MYOM3: variants seen among roughly 807,000 people sequenced by gnomAD.
MYOM3 encodes the protein myomesin-3.
MYOM3 carries 155 observed loss-of-function variants against 191.7 expected under a neutral mutation model. The ratio of observed to expected loss-of-function variants is 0.81; its 90% CI spans 0.71 to 0.92. The LOEUF is 0.92. Ranked by LOEUF, MYOM3 falls within the 40% of genes least tolerant of loss-of-function variation. The pLI is 0.00. For synonymous variants in MYOM3, 757 were observed against 762.9 expected (o/e 0.99, Z 0.13); for missense variants, 1,889 against 1,890.6 (o/e 1.00, Z 0.02).
chr1:24,058,492 G>A (rs1391421815), intron 36 of MYOM3, among the ~76,000 whole-genome samples: 1 of 152,124 alleles, frequency 6.6e-6, no homozygotes, highest in Non-Finnish European at 1.5e-5. Flanking sequence ...CCTATTTCAT[G>A]TGATTACCTT....
intron 35 of MYOM3, among the ~76,000 whole-genome samples, chr1:24,059,546 G>A (rs1643343082): frequency 6.6e-6 from 1 of 152,204 alleles, no homozygotes; most frequent in African/African-American, 2.4e-5. Flanking sequence ...TATGATTGGT[G>A]GTACCTGGAG....
At position 24,063,773 on chromosome 1, in the gene MYOM3, T is replaced by C. The variant is rs940168375; in HGVS notation, c.3623-243A>G. On this transcript the variant is annotated intron_variant, in intron 30 of 36. Transcript: ENST00000374434. This position sits in a 1 kb window ranked among gnomAD's most constrained non-coding sequence, Gnocchi z 4.5. Reference sequence around the variant, plus strand: ...TGCAAATCTGACAGTTTTTGCAGGCTGAGCTGATCAGCCTGATGAGGAGCC... The same window carrying C: ...TGCAAATCTGACAGTTTTTGCAGGCCGAGCTGATCAGCCTGATGAGGAGCC... 3.9e-5 allele frequency among the ~76,000 whole-genome samples: 6 copies of C among 152,104 alleles called. No homozygotes were observed. Among genetic ancestry groups the C allele is most frequent in the African/African-American group, 1.4e-4 (6 of 41,404 alleles).
chr1:24,105,993 G>T lies in MYOM3; in HGVS notation c.487C>A (p.His163Asn). 3 of 1,613,984 alleles carry T rather than the reference G, an allele frequency of 1.9e-6. No homozygotes were observed. Among genetic ancestry groups the T allele is most frequent in the Non-Finnish European group, 2.5e-6 (3 of 1,179,980 alleles). Residue 163 changes from histidine (H) to asparagine (N), a missense_variant, in exon 5 of 37, where the codon CAC becomes AAC. By Grantham distance (68) the His-to-Asn change is moderately conservative. Transcript: ENST00000374434. Reference sequence around the variant, plus strand: ...ACCGTGGTGTGCTCCCAGACGGCGTGGGAGCGAAGAGGGATCCAGAACCAG... The same window carrying T: ...ACCGTGGTGTGCTCCCAGACGGCGTTGGAGCGAAGAGGGATCCAGAACCAG... The part of the protein sequence containing the change: ...GPWFWIPLRS[H>N]AVWEHTTVLL...
intron 11 of MYOM3, 89 bp downstream of exon 11, chr1:24,092,085 T>C: frequency 7.9e-7 from 1 of 1,267,466 alleles, no homozygotes; most frequent in Non-Finnish European, 1.0e-6. Flanking sequence ...TTCTCTGAGG[T>C]CAGACATGGG....
At chr1:24,068,667 T>G (rs1303313034) in intron 25 of MYOM3, among the ~76,000 whole-genome samples, 1 of 152,100 alleles carries the variant, frequency 6.6e-6, no homozygotes, top group African/African-American at 2.4e-5. Context: ...TGCTGTGCCA[T>G]GATTTTGCCT....
At chr1:24,110,409 T>G (rs1644029149) in intron 1 of MYOM3, among the ~76,000 whole-genome samples, 1 of 152,048 alleles carries the variant, frequency 6.6e-6, no homozygotes, top group East Asian at 1.9e-4. Context: ...GTCTTCTGCC[T>G]GGATGTGAAC....
chr1:24,089,606 AG>A lies in MYOM3; in HGVS notation c.1545del (p.Tyr516MetfsTer17). On this transcript the variant is annotated frameshift_variant, in exon 14 of 37. Transcript: ENST00000374434. LOFTEE classifies it high-confidence loss of function. ...TNVHASEIRE[A>X]YVVLAWEEPS... ...GGCTCCTCCCAGGCCAGAACCACATAGGCCTCTCGGATCTCGCTGGCATGGA... is the reference window on the plus strand; with the variant it reads ...GGCTCCTCCCAGGCCAGAACCACATAGCCTCTCGGATCTCGCTGGCATGGA... The A allele has an allele frequency of 6.3e-7, 1 of 1,595,826 alleles. No homozygotes were observed. The highest frequency in any genetic ancestry group is 8.5e-7 in the Non-Finnish European group (1 of 1,171,440).
chr1:24,106,199 G>C (rs1413715816), intron 4 of MYOM3, 122 bp from the exon 5 acceptor site: 3 of 1,142,970 alleles, frequency 2.6e-6, no homozygotes, highest in African/African-American at 1.6e-5. Flanking sequence ...GGAGTTCCCG[G>C]TCCCCTCCCC....
intron 1 of MYOM3, among the ~76,000 whole-genome samples, chr1:24,109,309 T>G (rs1644020255): frequency 6.6e-6 from 1 of 152,246 alleles, no homozygotes; most frequent in Non-Finnish European, 1.5e-5. Flanking sequence ...GACTCATGAC[T>G]TTGTTTCCTC....
chr1:24,082,479 A>T, intron 17 of MYOM3, 114 bp downstream of exon 17: 1 of 1,362,734 alleles, frequency 7.3e-7, no homozygotes, highest in Non-Finnish European at 9.7e-7. Flanking sequence ...TTTCCCTCAG[A>T]GGGCGTATGT....
intron 35 of MYOM3, among the ~76,000 whole-genome samples, chr1:24,059,421 C>T (rs190834484): frequency 7.4e-4 from 112 of 152,362 alleles, no homozygotes; most frequent in Non-Finnish European, 1.4e-3. Flanking sequence ...AGGCATGAGC[C>T]GCCACACCTG....
At chr1:24,099,839 T>C in intron 5 of MYOM3, 64 bp from the exon 6 acceptor site, 2 of 1,157,070 alleles carry the variant, frequency 1.7e-6, no homozygotes, top group Non-Finnish European at 2.6e-6. Flanking sequence ...CTGGAGCCTC[T>C]CGGATGGGGA....
chr1:24,073,877 A>AC (rs1372590274), intron 23 of MYOM3, among the ~76,000 whole-genome samples: 1 of 151,368 alleles, frequency 6.6e-6, no homozygotes, highest in African/African-American at 2.4e-5. Flanking sequence ...AAAAAAAAAA[A>AC]AAAAAAAGGT....
chr1:24,074,762 A>T (rs376404919), intron 22 of MYOM3, among the ~76,000 whole-genome samples: 14 of 152,292 alleles, frequency 9.2e-5, no homozygotes, highest in East Asian at 7.7e-4. Flanking sequence ...GGCACATACA[A>T]TTCCCTACAG....
rs745749096 is a variant in MYOM3 at position 24,067,956 on chromosome 1, C to G, written c.3355+14G>C. The G allele has an allele frequency of 9.9e-6, 16 of 1,613,708 alleles. No individual in the cohort carries two copies. Among genetic ancestry groups the G allele is most frequent in the Non-Finnish European group, 1.3e-5 (15 of 1,179,684 alleles). On this transcript the variant is annotated intron_variant, in intron 27 of 36. Transcript: ENST00000374434. ...GTGGCCAGGGATTTTGAACTTCACCCCAGCAGCTCTTACCCTGTTTTCTCT... is the reference window on the plus strand; with the variant it reads ...GTGGCCAGGGATTTTGAACTTCACCGCAGCAGCTCTTACCCTGTTTTCTCT...
rs1235162931 is a variant in MYOM3 at position 24,081,243 on chromosome 1, G to A, written c.2407+87C>T. On this transcript the variant is annotated intron_variant, in intron 19 of 36. Coordinates refer to ENST00000374434, the MANE Select transcript of MYOM3 (RefSeq NM_152372.4). ...CAAACAGTGCAAGCCTGAATGCATA[G>A]AGGAGAGCGGCAACCTTCATCTCAT... The A allele has an allele frequency of 3.9e-6, 6 of 1,545,830 alleles. No individual in the cohort carries two copies. In the South Asian group the frequency reaches 4.8e-5, roughly 12 times the overall value.
At position 24,106,029 on chromosome 1, in the gene MYOM3, C is replaced by G; in HGVS notation, c.451G>C (p.Gly151Arg). The G allele has an allele frequency of 1.9e-6, 3 of 1,613,832 alleles. No individual in the cohort carries two copies. The highest frequency in any genetic ancestry group is 2.5e-6 in the Non-Finnish European group (3 of 1,179,974). The change falls in exon 5 of 37, where the codon GGC becomes CGC. Residue 151 changes from glycine to arginine, a missense_variant. By Grantham distance (125) the Gly-to-Arg change is moderately radical. Transcript: ENST00000374434. ...GGGATCCAGAACCAGGGCCCGCGGC[C>G]GTAGCACAGCTCCCTCAGCTCCTTG... ...EAKELRELCY[G>R]RGPWFWIPLR...
intron 16 of MYOM3, 92 bp downstream of exon 16, chr1:24,084,376 T>A (rs958907637): frequency 7.6e-6 from 11 of 1,443,474 alleles, no homozygotes; most frequent in Non-Finnish European, 5.8e-6. Flanking sequence ...GTGAGCTGAT[T>A]AAACCTCTTT....
At chr1:24,072,520 T>C (rs1157640386) in intron 23 of MYOM3, among the ~76,000 whole-genome samples, 1 of 151,962 alleles carries the variant, frequency 6.6e-6, no homozygotes, top group Non-Finnish European at 1.5e-5. Flanking sequence ...TTGCTGACCG[T>C]TTCTTCTTCT....
Sources: allele counts gnomAD v4.1 joint callset (sites outside exome capture counted in the v4.1 genomes callset), GRCh38; gene constraint gnomAD v4.1.1; non-coding constraint Gnocchi (gnomAD v3.1); transcripts MANE v1.5; gene names NCBI Gene and HGNC (gene_info 2026-07-23, HGNC 2026-07-21).